Variants in MAMDC2 observed in about 807,000 individuals in gnomAD.
MAMDC2 encodes MAM domain-containing protein 2.
MAMDC2 carries 57 observed loss-of-function variants against 89.8 expected under a neutral mutation model. That is an observed-to-expected ratio of 0.63 (90% CI 0.51 to 0.79). MAMDC2 has a LOEUF of 0.79. Among genes scored for constraint, MAMDC2 ranks in the 30% least tolerant of loss-of-function variants. The pLI is 0.00. For synonymous variants in MAMDC2, 313 were observed against 293.4 expected, an observed-to-expected ratio of 1.07 and a Z score of -0.68; for missense variants, 800 against 820.6, an observed-to-expected ratio of 0.97 and a Z score of 0.31.
At chr9:70,197,688 C>T (rs746414959) in intron 11 of MAMDC2, among the ~76,000 whole-genome samples, 28 of 152,124 alleles carry the variant, frequency 1.8e-4, no homozygotes, top group Non-Finnish European at 3.4e-4. Flanking sequence ...CAATAACATT[C>T]TATTACAATG....
chr9:70,217,237 C>T (rs1214181349), intron 11 of MAMDC2: 26 of 865,412 alleles, frequency 3.0e-5, no homozygotes, highest in Non-Finnish European at 4.6e-5. Flanking sequence ...CAAGATCTAC[C>T]CGGGACAGGG....
chr9:70,082,636 A>G (rs576416659), intron 2 of MAMDC2: 4 of 152,266 alleles, frequency 2.6e-5, no homozygotes, highest in African/African-American at 7.2e-5. Flanking sequence ...TAATCCGATA[A>G]ATTAAAGAAG....
chr9:70,149,958 C>G (rs899640203), intron 9 of MAMDC2, among the ~76,000 whole-genome samples: 1 of 152,162 alleles, frequency 6.6e-6, no homozygotes, highest in African/African-American at 2.4e-5. Context: ...GTCCCCCACC[C>G]TGAAGTGCTG....
At chr9:70,194,260 C>T (rs1314468543) in intron 11 of MAMDC2, 1 of 152,066 alleles carries the variant, frequency 6.6e-6, no homozygotes, top group East Asian at 1.9e-4. Context: ...CAATCAGTGA[C>T]CTGCTGCTAT....
At chr9:70,167,642 T>A (rs1927125) in intron 9 of MAMDC2, among the ~76,000 whole-genome samples, 121,125 of 152,198 alleles carry the variant, frequency 0.8, 48,365 homozygotes, top group Admixed American at 0.84. Flanking sequence ...GAAAATCTAA[T>A]ACAAATGTTT....
At chr9:70,107,230 G>T (rs1477548825) in intron 2 of MAMDC2, among the ~76,000 whole-genome samples, 2 of 152,132 alleles carry the variant, frequency 1.3e-5, no homozygotes, top group African/African-American at 2.4e-5. Flanking sequence ...GAAGGCTCGA[G>T]TTAAGGTTCT....
intron 4 of MAMDC2, among the ~76,000 whole-genome samples, chr9:70,110,040 A>T (rs551578949): frequency 6.6e-6 from 1 of 152,372 alleles, no homozygotes; most frequent in South Asian, 2.1e-4. Flanking sequence ...AGAAATATAG[A>T]TGCAGGAACT....
At chr9:70,095,988 C>A (rs1331283768) in intron 2 of MAMDC2, among the ~76,000 whole-genome samples, 1 of 152,050 alleles carries the variant, frequency 6.6e-6, no homozygotes, top group Non-Finnish European at 1.5e-5. Flanking sequence ...GTCCTGTTCC[C>A]AGGACATAGG....
At chr9:70,207,747 G>T (rs954030723) in intron 11 of MAMDC2, among the ~76,000 whole-genome samples, 38 of 152,148 alleles carry the variant, frequency 2.5e-4, no homozygotes, top group African/African-American at 4.8e-5. Context: ...TTTTCTTCTA[G>T]GGTTTTTATG....
chr9:70,117,372 G>C, intron 5 of MAMDC2, among the ~76,000 whole-genome samples: 1 of 152,070 alleles, frequency 6.6e-6, no homozygotes, highest in Non-Finnish European at 1.5e-5. Context: ...ACTAACACAG[G>C]AACAGAAAAA....
chr9:70,132,338 T>C (rs558223626), intron 7 of MAMDC2, among the ~76,000 whole-genome samples: 286 of 152,286 alleles, frequency 1.9e-3, no homozygotes, highest in African/African-American at 6.6e-3. Context: ...CCTTACTGTT[T>C]AGTGAATTTG....
chr9:70,069,581 G>C (rs1174792222), intron 2 of MAMDC2, among the ~76,000 whole-genome samples: 1 of 152,198 alleles, frequency 6.6e-6, no homozygotes, highest in African/African-American at 2.4e-5. Context: ...AACATTGAAA[G>C]CTACTTTGTT....
intron 5 of MAMDC2, among the ~76,000 whole-genome samples, chr9:70,118,209 C>A (rs1563962304): frequency 6.6e-6 from 1 of 151,810 alleles, no homozygotes; most frequent in Non-Finnish European, 1.5e-5. Context: ...TGACTGCCTG[C>A]ATTCCACTCT....
rs2033326517 is a variant in MAMDC2 at position 70,210,331 on chromosome 9, C to CAT, written c.1652-7999_1652-7998dup. ...AATCTGGATGCTTCTGTATTGGGTG[C>CAT]ATATATATTTAGGATAGTTAGTTCT... is the stretch of plus-strand genomic sequence containing the variant. On this transcript the variant is annotated intron_variant, in intron 11 of 13. Transcript: ENST00000377182. Among the ~76,000 whole-genome samples, 4 of 152,236 alleles carry CAT rather than the reference C, an allele frequency of 2.6e-5. No homozygotes were observed. The South Asian group carries it at 8.3e-4, about 32-fold the overall frequency.
intron 2 of MAMDC2, among the ~76,000 whole-genome samples, chr9:70,106,785 G>A (rs537124558): frequency 2.0e-5 from 3 of 152,310 alleles, no homozygotes; most frequent in African/African-American, 7.2e-5. Flanking sequence ...GGAAGAGTTA[G>A]ATCTTGATCT....
At position 70,112,991 on chromosome 9, in the gene MAMDC2, C is replaced by T. The variant is rs1828549859; in HGVS notation, c.506-4C>T. The T allele has an allele frequency of 6.2e-7, 1 of 1,613,876 alleles. No individual in the cohort carries two copies. The highest frequency in any genetic ancestry group is 8.5e-7 in the Non-Finnish European group (1 of 1,179,962). On this transcript the variant is annotated splice_polypyrimidine_tract_variant and splice_region_variant and intron_variant, in intron 4 of 13. Transcript: ENST00000377182. ...CATGAAGTGTTTTTGTTTCCCTTCCCCAGAATGTGACTTTGAAGAAAATCA... is the reference window on the plus strand; with the variant it reads ...CATGAAGTGTTTTTGTTTCCCTTCCTCAGAATGTGACTTTGAAGAAAATCA...
chr9:70,221,408 G>GAGAGAGAGAGAGAGAGAGAGA (rs2033563067), intron 12 of MAMDC2, among the ~76,000 whole-genome samples: 1 of 110,924 alleles, frequency 9.0e-6, no homozygotes, highest in African/African-American at 3.3e-5. Flanking sequence ...GAGAGAGAGA[G>GAGAGAGAGAGAGAGAGAGAGA]TAACATCAGA....
intron 2 of MAMDC2, among the ~76,000 whole-genome samples, chr9:70,098,296 T>C (rs1360677433): frequency 6.6e-6 from 1 of 152,202 alleles, no homozygotes; most frequent in African/African-American, 2.4e-5. Flanking sequence ...GATTTACCAG[T>C]AATATTTGAT....
chr9:70,073,920 C>G (rs536402553), intron 2 of MAMDC2, among the ~76,000 whole-genome samples: 1 of 152,276 alleles, frequency 6.6e-6, no homozygotes, highest in Non-Finnish European at 1.5e-5. Flanking sequence ...TGCAGCTGTT[C>G]AAAGCTCTGT....
Sources: allele counts gnomAD v4.1 joint callset (sites outside exome capture counted in the v4.1 genomes callset), GRCh38; gene constraint gnomAD v4.1.1; transcripts MANE v1.5; gene names NCBI Gene and HGNC (gene_info 2026-07-23, HGNC 2026-07-21).